Variants in GALNTL6 observed in about 807,000 individuals in gnomAD.
GALNTL6 encodes polypeptide N-acetylgalactosaminyltransferase like 6.
A neutral mutation model predicts 73.7 loss-of-function variants in GALNTL6; 46 were observed. The observed-to-expected ratio is 0.62, with a 90% CI of 0.49 to 0.80. The LOEUF (loss-of-function observed/expected upper bound fraction) is 0.80, where lower values mean the gene tolerates loss of function less well. GALNTL6 is among the 30% of genes least tolerant of loss of function. The pLI is 0.00. For missense variants in GALNTL6, 604 were observed against 755.0 expected (o/e 0.80, Z 2.34); for synonymous variants, 259 against 263.7 (o/e 0.98, Z 0.17).
At chr4:172,075,615 T>G (rs1362861386) in intron 2 of GALNTL6, among the ~76,000 whole-genome samples, 3 of 152,014 alleles carry the variant, frequency 2.0e-5, no homozygotes, top group Admixed American at 6.6e-5. Context: ...GATTACAGGC[T>G]TGAGCCACCG....
At chr4:172,518,980 G>A (rs959569126) in intron 5 of GALNTL6, among the ~76,000 whole-genome samples, 6 of 151,720 alleles carry the variant, frequency 4.0e-5, no homozygotes, top group Admixed American at 3.9e-4. Flanking sequence ...AATGCATGGA[G>A]AAGAGCACAT....
At chr4:172,191,134 G>A (rs1735568660) in intron 2 of GALNTL6, among the ~76,000 whole-genome samples, 1 of 152,160 alleles carries the variant, frequency 6.6e-6, no homozygotes, top group South Asian at 2.1e-4. Context: ...CTGTGTGATT[G>A]CCCTTTAATT....
chr4:172,584,423 G>T (rs937331214), intron 5 of GALNTL6, among the ~76,000 whole-genome samples: 1 of 152,116 alleles, frequency 6.6e-6, no homozygotes. Flanking sequence ...AGCTGGCAGG[G>T]GTCAGATCTC....
chr4:172,300,523 C>A (rs908588680), intron 3 of GALNTL6, among the ~76,000 whole-genome samples: 1 of 152,114 alleles, frequency 6.6e-6, no homozygotes, highest in African/African-American at 2.4e-5. Context: ...TGTTCCTTTC[C>A]ATGTTTAGTG....
At chr4:171,921,268 C>T (rs4692643) in intron 2 of GALNTL6, among the ~76,000 whole-genome samples, 87,804 of 151,872 alleles carry the variant, frequency 0.58, 27,884 homozygotes, top group African/African-American at 0.85. Flanking sequence ...TAAATACTTA[C>T]TGACTATGTG....
chr4:171,979,073 T>C lies in GALNTL6; in HGVS notation c.138+164355T>C, dbSNP rs113159351. On this transcript the variant is annotated intron_variant, in intron 2 of 12. Coordinates refer to ENST00000506823, the MANE Select transcript of GALNTL6 (RefSeq NM_001034845.3). ...TTGACATTATGCAGGTCACTTTGCT[T>C]ACTTCACCTAAATTTTCTCACCTGT... Among the ~76,000 whole-genome samples the C allele has an allele frequency of 1.8e-3, 273 of 152,272 alleles. 1 individual carries two copies. The highest frequency in any genetic ancestry group is 6.1e-3 in the African/African-American group (253 of 41,546).
chr4:172,609,637 G>C (rs1037909795), intron 5 of GALNTL6, among the ~76,000 whole-genome samples: 11 of 149,460 alleles, frequency 7.4e-5, no homozygotes, highest in African/African-American at 2.0e-4. Flanking sequence ...GTGTGTGTGT[G>C]TGTGTGTGTG....
At chr4:173,027,881 T>G (rs1354434359) in intron 12 of GALNTL6, among the ~76,000 whole-genome samples, 4 of 152,206 alleles carry the variant, frequency 2.6e-5, no homozygotes, top group Non-Finnish European at 5.9e-5. Flanking sequence ...ATTGTTTATA[T>G]ACTAGCAACA....
At chr4:172,522,744 A>T (rs1434963375) in intron 5 of GALNTL6, among the ~76,000 whole-genome samples, 1 of 143,380 alleles carries the variant, frequency 7.0e-6, no homozygotes, top group Non-Finnish European at 1.5e-5. Context: ...TTCAATGTTG[A>T]TTTATTACCA....
At chr4:172,366,712 A>AT (rs1029151795) in intron 5 of GALNTL6, among the ~76,000 whole-genome samples, 2 of 151,996 alleles carry the variant, frequency 1.3e-5, no homozygotes, top group South Asian at 2.1e-4. Context: ...CCTAACCTTG[A>AT]TTTTTTCTCT....
At chr4:172,737,978 C>G (rs946750286) in intron 5 of GALNTL6, among the ~76,000 whole-genome samples, 1 of 152,126 alleles carries the variant, frequency 6.6e-6, no homozygotes, top group Non-Finnish European at 1.5e-5. Flanking sequence ...TATAGCTGCT[C>G]TTAGTTAGAC....
intron 2 of GALNTL6, among the ~76,000 whole-genome samples, chr4:172,179,887 A>T (rs952062604): frequency 2.0e-5 from 3 of 152,174 alleles, no homozygotes; most frequent in Admixed American, 2.0e-4. Context: ...GCTATTGTGA[A>T]CAGTGCTGCA....
At chr4:172,565,873 AG>A (rs1284581417) in intron 5 of GALNTL6, among the ~76,000 whole-genome samples, 1 of 152,152 alleles carries the variant, frequency 6.6e-6, no homozygotes, top group Non-Finnish European at 1.5e-5. Flanking sequence ...TCATCTAGAG[AG>A]CAAGAGTGAT....
At chr4:172,381,478 C>T (rs1293076901) in intron 5 of GALNTL6, among the ~76,000 whole-genome samples, 1 of 152,172 alleles carries the variant, frequency 6.6e-6, no homozygotes, top group Non-Finnish European at 1.5e-5. Context: ...TCTTTCTCTT[C>T]AGATTTGCCT....
chr4:172,479,284 GA>G (rs1733353296), intron 5 of GALNTL6, among the ~76,000 whole-genome samples: 1 of 150,568 alleles, frequency 6.6e-6, no homozygotes, highest in African/African-American at 2.4e-5. Flanking sequence ...ATCAACAGAT[GA>G]ATGAATAAAG....
At chr4:171,943,951 T>C (rs1738627975) in intron 2 of GALNTL6, among the ~76,000 whole-genome samples, 1 of 152,070 alleles carries the variant, frequency 6.6e-6, no homozygotes, top group Admixed American at 6.6e-5. Flanking sequence ...CTTCTTTAAC[T>C]CCATATTTGA....
At chr4:172,035,292 G>C (rs1741900093) in intron 2 of GALNTL6, among the ~76,000 whole-genome samples, 1 of 152,022 alleles carries the variant, frequency 6.6e-6, no homozygotes, top group Admixed American at 6.6e-5. Flanking sequence ...AATGTAGGCA[G>C]GACAAAGTTT....
intron 5 of GALNTL6, among the ~76,000 whole-genome samples, chr4:172,650,768 T>TA: frequency 6.6e-6 from 1 of 151,924 alleles, no homozygotes; most frequent in East Asian, 1.9e-4. Flanking sequence ...AAAAAGAAAA[T>TA]AACACAAAAT....
At chr4:172,899,418 T>C (rs533385631) in intron 8 of GALNTL6, among the ~76,000 whole-genome samples, 33 of 152,288 alleles carry the variant, frequency 2.2e-4, no homozygotes, top group African/African-American at 6.3e-4. Flanking sequence ...CTAAGGCACT[T>C]TTAAGACCTT....
Sources: gnomAD v4.1 joint callset for allele counts (sites outside exome capture counted in the v4.1 genomes callset) on GRCh38, gnomAD v4.1.1 for gene constraint, MANE v1.5 for transcripts, NCBI Gene and HGNC (gene_info 2026-07-23, HGNC 2026-07-21) for gene names.